Variants in GRM7 observed in about 807,000 individuals in gnomAD.
GRM7 encodes glutamate metabotropic receptor 7, also known as metabotropic glutamate receptor 7.
In GRM7, 35 loss-of-function variants were observed where a neutral mutation model predicts 84.5. That is an observed-to-expected ratio of 0.41 (90% CI 0.32 to 0.55). GRM7 has a LOEUF of 0.55. Among genes scored for constraint, GRM7 ranks in the 20% least tolerant of loss-of-function variants. The probability of loss-of-function intolerance (pLI) is 0.19; values close to 1 mark genes in which losing one functional copy is unlikely to be tolerated. For synonymous variants in GRM7, 487 were observed against 455.1 expected (o/e 1.07, Z -0.89); for missense variants, 1,003 against 1,194.6 (o/e 0.84, Z 2.36).
chr3:7,161,709 T>A (rs1338303835), intron 2 of GRM7, among the ~76,000 whole-genome samples: 1 of 152,192 alleles, frequency 6.6e-6, no homozygotes, highest in Non-Finnish European at 1.5e-5. Context: ...CTATTATTTA[T>A]TCAACAAATA....
intron 2 of GRM7, among the ~76,000 whole-genome samples, chr3:7,178,461 A>T (rs9846718): frequency 2.0e-5 from 3 of 152,002 alleles, no homozygotes; most frequent in African/African-American, 7.3e-5. Context: ...ATCCCTATCA[A>T]TGCTGTGTGA....
intron 1 of GRM7, among the ~76,000 whole-genome samples, chr3:6,887,499 C>A (rs183128598): frequency 6.6e-6 from 1 of 151,670 alleles, no homozygotes; most frequent in East Asian, 1.9e-4. Flanking sequence ...TTTGTTCTTG[C>A]GATAGTTTAC....
chr3:7,425,839 G>A (rs780890457), intron 5 of GRM7, among the ~76,000 whole-genome samples: 1 of 152,148 alleles, frequency 6.6e-6, no homozygotes, highest in Admixed American at 6.5e-5. Context: ...CTTTTGTGCT[G>A]AAGTGTACAG....
intron 2 of GRM7, among the ~76,000 whole-genome samples, chr3:7,252,736 T>C (rs1698043982): frequency 6.6e-6 from 1 of 151,196 alleles, no homozygotes; most frequent in Non-Finnish European, 1.5e-5. Flanking sequence ...GTTGCCCAGC[T>C]GGAGTGCAGT....
intron 7 of GRM7, among the ~76,000 whole-genome samples, chr3:7,530,539 A>ACTCTCCT (rs1289025302): frequency 6.6e-5 from 10 of 152,268 alleles, no homozygotes; most frequent in African/African-American, 2.2e-4. Context: ...ACAATGGTTG[A>ACTCTCCT]ACTGATTTAC....
chr3:7,437,056 C>A (rs1220762674), intron 5 of GRM7, among the ~76,000 whole-genome samples: 1 of 152,180 alleles, frequency 6.6e-6, no homozygotes, highest in Non-Finnish European at 1.5e-5. Context: ...TCCTTTCACA[C>A]CAACCCTGTA....
intron 1 of GRM7, among the ~76,000 whole-genome samples, chr3:6,945,624 T>C (rs964327439): frequency 2.6e-5 from 4 of 152,146 alleles, no homozygotes; most frequent in Admixed American, 2.6e-4. Context: ...TCTAGATCCC[T>C]GAGGAATCGC....
chr3:7,352,233 G>A (rs1011815461), intron 4 of GRM7, among the ~76,000 whole-genome samples: 1 of 152,026 alleles, frequency 6.6e-6, no homozygotes, highest in African/African-American at 2.4e-5. Flanking sequence ...GATAGTTCAT[G>A]TTATGAACTC....
intron 1 of GRM7, among the ~76,000 whole-genome samples, chr3:6,897,204 C>T (rs1696215382): frequency 6.6e-6 from 1 of 152,138 alleles, no homozygotes; most frequent in African/African-American, 2.4e-5. Context: ...TATTGAACAG[C>T]TTCTTTAGTT....
intron 3 of GRM7, 142 bp downstream of exon 3, chr3:7,298,967 C>A: frequency 1.4e-6 from 1 of 705,990 alleles, no homozygotes; most frequent in Non-Finnish European, 2.5e-6. Context: ...CTTGCCTCTA[C>A]CCAACACATA....
intron 1 of GRM7, among the ~76,000 whole-genome samples, chr3:6,984,606 A>G (rs1694333667): frequency 6.6e-6 from 1 of 151,286 alleles, no homozygotes; most frequent in Non-Finnish European, 1.5e-5. Context: ...AACATTGTAG[A>G]GTTTATCTGA....
chr3:7,406,227 G>C (rs569300624), intron 4 of GRM7, among the ~76,000 whole-genome samples: 1 of 151,986 alleles, frequency 6.6e-6, no homozygotes, highest in Non-Finnish European at 1.5e-5. Context: ...TCGGCCGGGC[G>C]TGGTGGCTCA....
intron 1 of GRM7, among the ~76,000 whole-genome samples, chr3:6,991,126 A>G (rs145913339): frequency 2.6e-5 from 4 of 152,194 alleles, no homozygotes; most frequent in East Asian, 1.9e-4. Flanking sequence ...CCTCTTACCA[A>G]CCTGCACCCT....
In GRM7 at chr3:7,228,018, T is replaced by C. The variant is rs532345761; in HGVS notation, c.737-70666T>C. On this transcript the variant is annotated intron_variant, in intron 2 of 9. Transcript: ENST00000357716. ...CTCAGAATATAACCAGAAAGTTATT[T>C]CTTTTCAATTAGTTCTAATAAGATG... Among the ~76,000 whole-genome samples the C allele has an allele frequency of 2.6e-5, 4 of 152,306 alleles. No individual in the cohort carries two copies. The South Asian group carries it at 8.3e-4, about 32-fold the overall frequency.
chr3:7,527,929 G>T (rs112967980), intron 7 of GRM7, among the ~76,000 whole-genome samples: 321 of 151,514 alleles, frequency 2.1e-3, no homozygotes, highest in African/African-American at 7.5e-3. Flanking sequence ...CATTTTGCTG[G>T]TATTTTGTTG....
intron 1 of GRM7, among the ~76,000 whole-genome samples, chr3:7,145,693 T>C (rs892588535): frequency 7.2e-5 from 11 of 152,058 alleles, no homozygotes; most frequent in Non-Finnish European, 1.5e-4. Context: ...TTCAGGACAT[T>C]TGGTGAATGC....
intron 2 of GRM7, among the ~76,000 whole-genome samples, chr3:7,186,874 T>C (rs1018076400): frequency 2.6e-5 from 4 of 152,198 alleles, no homozygotes; most frequent in African/African-American, 9.6e-5. Context: ...TTTATTTTTG[T>C]CTATTAACTC....
rs56873432 is a variant in GRM7, at chr3:7,352,057, C to CCACACACACACACA, written c.1033+45435_1033+45448dup. On this transcript the variant is annotated intron_variant, in intron 4 of 9. Transcript: ENST00000357716. ...TCTCTCTCTCACACACACACACACA[C>CCACACACACACACA]CACACACACACACACACACACACAC... 4.1e-3 allele frequency among the ~76,000 whole-genome samples: 555 copies of CCACACACACACACA among 136,958 alleles called. 3 individuals carry two copies. Among genetic ancestry groups the CCACACACACACACA allele is most frequent in the Middle Eastern group, 0.019 (5 of 258 alleles). 89.8% of individuals were successfully genotyped at this position (136,958 alleles called of 152,430 possible).
chr3:7,563,085 C>T (rs73116058), intron 7 of GRM7, among the ~76,000 whole-genome samples: 8 of 152,246 alleles, frequency 5.3e-5, no homozygotes, highest in African/African-American at 1.4e-4. Context: ...TGGCAGAGAG[C>T]ATGACTCACC....
Sources: gnomAD v4.1 joint callset for allele counts (sites outside exome capture counted in the v4.1 genomes callset) on GRCh38, gnomAD v4.1.1 for gene constraint, MANE v1.5 for transcripts, NCBI Gene and HGNC (gene_info 2026-07-23, HGNC 2026-07-21) for gene names.